NOC4L: variants seen among roughly 807,000 people sequenced by gnomAD.
NOC4L encodes nucleolar complex associated 4 homolog.
Under a neutral mutation model 62.8 loss-of-function variants are expected in NOC4L, and 40 were observed. The ratio of observed to expected loss-of-function variants is 0.64; its 90% CI spans 0.49 to 0.83. NOC4L has a LOEUF of 0.83. Ranked by LOEUF, NOC4L falls within the 40% of genes least tolerant of loss-of-function variation. NOC4L has a pLI of 0.00. For synonymous variants in NOC4L, 433 were observed against 299.8 expected, an observed-to-expected ratio of 1.44 and a Z score of -4.59; for missense variants, 927 against 701.9, an observed-to-expected ratio of 1.32 and a Z score of -3.62.
Position 132,148,805 on chromosome 12 carries a change from A to G in NOC4L, c.811A>G (p.Lys271Glu). The G allele has an allele frequency of 3.8e-6, 6 of 1,583,614 alleles. No individual in the cohort carries two copies. The highest frequency in any genetic ancestry group is 5.1e-6 in the Non-Finnish European group (6 of 1,169,678). The change falls in exon 9 of 15, where the codon AAG becomes GAG. Residue 271 changes from lysine to glutamate, a missense_variant. By Grantham distance (56) the Lys-to-Glu change is moderately conservative. Transcript: ENST00000330579. The stretch of plus-strand genomic sequence containing the variant: ...CCAGCTGCCCCTCAGCCTCTACAAG[A>G]AGGTGCTGCTGATTGTGCATGACGC... The part of the protein sequence containing the change: ...KHKLPLSLYK[K>E]VLLIVHDAIL...
rs1406411672 is a variant in NOC4L at position 132,152,085 on chromosome 12, C to A, written c.1319C>A (p.Ala440Asp). ...CTCTTAACGGCCCTACTGCCCCAGG[C>A]CCTCCAGCGCCACTACCACCCTGAG... is the stretch of plus-strand genomic sequence containing the variant. ...ALESSLWELQALQRHYHPEVS... is the reference protein window; with the variant it reads ...ALESSLWELQDLQRHYHPEVS... Residue 440 changes from alanine to aspartate, a missense_variant and splice_region_variant, in exon 14 of 15, where the codon GCC (alanine) becomes GAC (aspartate). Ala to Asp is a moderately radical substitution (Grantham distance 126). Transcript: ENST00000330579. 3 of 1,610,166 alleles carry A rather than the reference C, an allele frequency of 1.9e-6. No individual in the cohort carries two copies. The highest frequency in any genetic ancestry group is 2.2e-5 in the East Asian group (1 of 44,818).
At position 132,144,514 on chromosome 12, in the gene NOC4L, G is replaced by C; in HGVS notation, c.26G>C (p.Gly9Ala). 3 of 1,519,092 alleles carry C rather than the reference G, an allele frequency of 2.0e-6. No homozygotes were observed. Among genetic ancestry groups the C allele is most frequent in the Non-Finnish European group, 2.6e-6 (3 of 1,143,482 alleles). 94.1% of individuals were successfully genotyped at this position (1,519,092 alleles called of 1,614,324 possible). MEREPGAA[G>A]VRRALGRRLE... ...ATGGAGCGGGAGCCGGGCGCCGCGG[G>C]AGTTCGCCGGGCTCTGGGCCGCCGG... Residue 9 changes from glycine (G) to alanine (A), a missense_variant, in exon 1 of 15, where the codon GGA becomes GCA. Transcript: ENST00000330579.
intron 2 of NOC4L, among the ~76,000 whole-genome samples, 158 bp from the exon 3 acceptor site, chr12:132,145,401 G>A (rs1897675058): frequency 6.6e-6 from 1 of 152,196 alleles, no homozygotes; most frequent in Non-Finnish European, 1.5e-5. Context: ...GGAATGTGCT[G>A]GTCTCAGCAC....
Position 132,148,666 on chromosome 12 carries a change from G to A in NOC4L, c.789+7G>A, listed in dbSNP as rs1306500900. 1.9e-5 allele frequency: 27 copies of A among 1,455,268 alleles called. No individual in the cohort carries two copies. Among genetic ancestry groups the A allele is most frequent in the Non-Finnish European group, 1.6e-5 (17 of 1,067,818 alleles). 90.1% of individuals were successfully genotyped at this position (1,455,268 alleles called of 1,614,324 possible). A position where few individuals can be genotyped will look rare whatever the true frequency, so the allele number is the denominator to read the frequency against. ...CAGCTTCCTCAAGCACAAGGTAGGG[G>A]CCAGGCCGGGGAGGGGGCGGGGGCG... On this transcript the variant is annotated splice_region_variant and intron_variant, in intron 8 of 14. Coordinates refer to ENST00000330579, the MANE Select transcript of NOC4L (RefSeq NM_024078.3).
chr12:132,147,409 T>C (rs766465697), intron 4 of NOC4L, 21 bp downstream of exon 4: 5 of 1,530,438 alleles, frequency 3.3e-6, no homozygotes, highest in Non-Finnish European at 4.4e-6. Flanking sequence ...TGCTGGGGAC[T>C]CCCAGAGGGC....
intron 5 of NOC4L, 44 bp from the exon 6 acceptor site, chr12:132,147,836 G>A: frequency 6.2e-7 from 1 of 1,610,226 alleles, no homozygotes; most frequent in Non-Finnish European, 8.5e-7. Flanking sequence ...CAGGGAGGCA[G>A]GGACTGGGGG....
intron 7 of NOC4L, among the ~76,000 whole-genome samples, chr12:132,148,326 G>T (rs1205265864): frequency 6.6e-6 from 1 of 152,166 alleles, no homozygotes; most frequent in African/African-American, 2.4e-5. Context: ...GCCTCTTGGA[G>T]TCAAGCCTCT....
At chr12:132,148,025 T>G (rs1897791417) in intron 6 of NOC4L, 46 bp downstream of exon 6, 16 of 1,613,096 alleles carry the variant, frequency 9.9e-6, no homozygotes, top group Non-Finnish European at 1.4e-5. Context: ...AGCCTTGGTC[T>G]GCCTCCCCTG....
At chr12:132,144,811 T>G (rs1593425184) in intron 1 of NOC4L, 43 bp from the exon 2 acceptor site, 1 of 1,577,784 alleles carries the variant, frequency 6.3e-7, no homozygotes, top group Non-Finnish European at 8.6e-7. Context: ...GGGGCGAAGG[T>G]GACAGTTGGC....
chr12:132,148,041 C>CA, intron 6 of NOC4L, 31 bp from the exon 7 acceptor site: 1 of 1,613,500 alleles, frequency 6.2e-7, no homozygotes, highest in Non-Finnish European at 8.5e-7. Flanking sequence ...CCCTGCGGGT[C>CA]AGGTGACCTT....
Position 132,147,724 on chromosome 12 carries a change from A to C in NOC4L, c.545A>C (p.Tyr182Ser). The C allele has an allele frequency of 6.2e-7, 1 of 1,612,790 alleles. No individual in the cohort carries two copies. The highest frequency in any genetic ancestry group is 8.5e-7 in the Non-Finnish European group (1 of 1,179,940). Residue 182 changes from tyrosine to serine, a missense_variant, in exon 5 of 15, where the codon TAC becomes TCC. Tyr to Ser is a moderately radical substitution (Grantham distance 144). Transcript: ENST00000330579. ...TACCTGGACTACGACGACACCCGCT[A>C]CCACACCATGCAGGCAGCCGTGGAT... Reference protein sequence around the residue: ...REYLDYDDTRYHTMQAAVDAV... With the variant: ...REYLDYDDTRSHTMQAAVDAV...
At position 132,148,884 on chromosome 12, in the gene NOC4L, C is replaced by T. The variant is rs1348020222; in HGVS notation, c.890C>T (p.Ala297Val). Residue 297 changes from alanine (A) to valine (V), a missense_variant, in exon 9 of 15, where the codon GCC becomes GTC. Ala to Val is a moderately conservative substitution (Grantham distance 64). Transcript: ENST00000330579. ...PTLMIDFLTR[A>V]CDLGGALSLL... ...CTCATGATCGACTTCCTCACCCGCG[C>T]CTGCGACCTCGGTGAGTGCCGCCGC... 1.9e-6 allele frequency: 3 copies of T among 1,593,490 alleles called. No homozygotes were observed. The highest frequency in any genetic ancestry group is 2.2e-5 in the East Asian group (1 of 44,618).
At position 132,144,511 on chromosome 12, in the gene NOC4L, C is replaced by T. The variant is rs1248201823; in HGVS notation, c.23C>T (p.Ala8Val). The T allele has an allele frequency of 5.3e-6, 8 of 1,518,708 alleles. No individual in the cohort carries two copies. The highest frequency in any genetic ancestry group is 7.0e-6 in the Non-Finnish European group (8 of 1,143,550). 94.1% of individuals were successfully genotyped at this position (1,518,708 alleles called of 1,614,324 possible). A position where few individuals can be genotyped will look rare whatever the true frequency, so the allele number is the denominator to read the frequency against. The change falls in exon 1 of 15, where the codon GCG becomes GTG. Residue 8 changes from alanine to valine, a missense_variant. Physicochemically the swap from Ala to Val is moderately conservative, Grantham distance 64. Transcript: ENST00000330579. ...GGCATGGAGCGGGAGCCGGGCGCCG[C>T]GGGAGTTCGCCGGGCTCTGGGCCGC... is the stretch of plus-strand genomic sequence containing the variant. Reference protein sequence around the residue: MEREPGAAGVRRALGRRL... With the variant: MEREPGAVGVRRALGRRL...
rs1897778384 is a variant in NOC4L at position 132,147,758 on chromosome 12, C to T, written c.579C>T (p.Ala193=). 2 of 1,612,628 alleles carry T rather than the reference C, an allele frequency of 1.2e-6. No homozygotes were observed. The highest frequency in any genetic ancestry group is 2.7e-5 in the African/African-American group (2 of 74,918). The change falls in exon 5 of 15, where the codon GCC becomes GCT. Residue 193 remains alanine, a synonymous_variant. Transcript: ENST00000330579. ...TGCAGGCAGCCGTGGATGCCGTGGC[C>T]CGGGTCACTGGCCAGCACCCCGAGG... ...HTMQAAVDAV[A]RVTGQHPEVP...
rs1217182244 is a variant in NOC4L, at chr12:132,144,843, C to T, written c.118-11C>T. ...TGGCGGCCGGGCACCCTGCCGCCGC[C>T]TCTCCTGCAGTCTGAGGACCAGGAG... is the stretch of plus-strand genomic sequence containing the variant. On this transcript the variant is annotated splice_polypyrimidine_tract_variant and intron_variant, in intron 1 of 14. Coordinates refer to ENST00000330579, the MANE Select transcript of NOC4L (RefSeq NM_024078.3). 3.1e-6 allele frequency: 5 copies of T among 1,596,616 alleles called. No individual in the cohort carries two copies. The highest frequency in any genetic ancestry group is 1.1e-5 in the South Asian group (1 of 88,366).
At chr12:132,148,437 C>G (rs141019452) in intron 7 of NOC4L, among the ~76,000 whole-genome samples, 172 bp from the exon 8 acceptor site, 1 of 152,174 alleles carries the variant, frequency 6.6e-6, no homozygotes, top group African/African-American at 2.4e-5. Context: ...ACTCCAGCCT[C>G]GAGGGCAAGG....
intron 13 of NOC4L, 127 bp from the exon 14 acceptor site, chr12:132,151,957 T>C: frequency 8.1e-7 from 1 of 1,228,088 alleles, no homozygotes; most frequent in Non-Finnish European, 1.1e-6. Context: ...GGGTGCTGGG[T>C]GCTTGGCCTT....
intron 3 of NOC4L, chr12:132,146,479 C>T (rs931892612): frequency 1.7e-5 from 7 of 409,106 alleles, no homozygotes; most frequent in Middle Eastern, 6.8e-4. Context: ...TATGCCTTAT[C>T]AGTGGAATTA....
intron 3 of NOC4L, among the ~76,000 whole-genome samples, 173 bp downstream of exon 3, chr12:132,145,838 G>A (rs966223953): frequency 2.0e-5 from 3 of 152,236 alleles, no homozygotes; most frequent in African/African-American, 7.2e-5. Flanking sequence ...ATCGAGTCCT[G>A]TAGTGAATAT....
Sources: gnomAD v4.1 joint callset for allele counts (sites outside exome capture counted in the v4.1 genomes callset) on GRCh38, gnomAD v4.1.1 for gene constraint, MANE v1.5 for transcripts, NCBI Gene and HGNC (gene_info 2026-07-23, HGNC 2026-07-21) for gene names.